Variants in VEZF1 observed in about 807,000 individuals in gnomAD.
The protein encoded by VEZF1 is vascular endothelial zinc finger 1.
VEZF1 carries 5 observed loss-of-function variants against 44.1 expected under a neutral mutation model. The observed-to-expected ratio is 0.11, with a 90% confidence interval of 0.06 to 0.24. The LOEUF (loss-of-function observed/expected upper bound fraction) is 0.24, where lower values mean the gene tolerates loss of function less well. Ranked by LOEUF, VEZF1 falls within the 10% of genes least tolerant of loss-of-function variation. The pLI is 1.00. For missense variants in VEZF1, 358 were observed against 641.8 expected (o/e 0.56, Z 4.78); for synonymous variants, 236 against 233.1 (o/e 1.01, Z -0.11).
At chr17:57,983,506 C>T (rs1038527659) in intron 1 of VEZF1, 113 bp from the exon 2 acceptor site, 20 of 912,142 alleles carry the variant, frequency 2.2e-5, no homozygotes, top group Non-Finnish European at 9.8e-6. Flanking sequence ...CTATAAGCTA[C>T]TCTGCAGTGG....
chr17:57,986,995 C>T (rs552265555), intron 1 of VEZF1, among the ~76,000 whole-genome samples: 1 of 152,240 alleles, frequency 6.6e-6, no homozygotes, highest in South Asian at 2.1e-4. Flanking sequence ...CAAACAGAAA[C>T]GAAGTAGGAA....
chr17:57,979,152 C>T lies in VEZF1; in HGVS notation c.1138G>A (p.Glu380Lys), dbSNP rs2075220478. 6.2e-7 allele frequency: 1 copy of T among 1,611,680 alleles called. No homozygotes were observed. Among genetic ancestry groups the T allele is most frequent in the Non-Finnish European group, 8.5e-7 (1 of 1,179,388 alleles). The change falls in exon 5 of 6, where the codon GAA becomes AAA. Residue 380 changes from glutamate (E) to lysine (K), a missense_variant and splice_region_variant. By Grantham distance (56) the Glu-to-Lys change is moderately conservative. Coordinates refer to ENST00000581208, the MANE Select transcript of VEZF1 (RefSeq NM_007146.3). ...WEEAVKARKK[E>K]AANLCQTSTA... ...TTCAACACTGGAAGCTGTGCCTTAC[C>T]TTTCTTCCTTGCTTTAACAGCTTCT... is the stretch of plus-strand genomic sequence containing the variant.
rs1415970291 is a variant in VEZF1, at chr17:57,972,347, C to T, written c.*2126G>A. 1.3e-5 allele frequency: 2 copies of T among 152,174 alleles called. No homozygotes were observed. Among genetic ancestry groups the T allele is most frequent in the Non-Finnish European group, 2.9e-5 (2 of 68,026 alleles). The allele number at this position is 152,174 out of a possible 1,614,324, so 9.4% of individuals were successfully genotyped here. A position where few individuals can be genotyped will look rare whatever the true frequency, so the allele number is the denominator to read the frequency against. ...TGCCAGCCCACCAGAGATAACAGAT[C>T]CCAGCAGGCAGAGCCAGAACCCAGT... On this transcript the variant is annotated 3_prime_UTR_variant, in exon 6 of 6. Transcript: ENST00000581208.
chr17:57,987,753 G>A (rs2075312211), intron 1 of VEZF1, among the ~76,000 whole-genome samples: 1 of 151,894 alleles, frequency 6.6e-6, no homozygotes, highest in Non-Finnish European at 1.5e-5. Flanking sequence ...TCTGGGCCGC[G>A]GGGTGGTGAC....
chr17:57,985,750 G>A (rs2075288238), intron 1 of VEZF1, among the ~76,000 whole-genome samples: 1 of 152,136 alleles, frequency 6.6e-6, no homozygotes, highest in Non-Finnish European at 1.5e-5. Context: ...ATTTTGTACT[G>A]AACAAATTAA....
At position 57,971,805 on chromosome 17, in the gene VEZF1, G is replaced by A. The variant is rs1176024793; in HGVS notation, c.*2668C>T. The A allele has an allele frequency of 6.6e-6, 1 of 152,612 alleles. No homozygotes were observed. Among genetic ancestry groups the A allele is most frequent in the African/African-American group, 2.4e-5 (1 of 41,434 alleles). 9.5% of individuals were successfully genotyped at this position (152,612 alleles called of 1,614,324 possible). A position where few individuals can be genotyped will look rare whatever the true frequency, so the allele number is the denominator to read the frequency against. On this transcript the variant is annotated 3_prime_UTR_variant, in exon 6 of 6. Transcript: ENST00000581208. ...ACTGTTTAGCTGCCAATCTGATAAA[G>A]GGGAAGCTCTCAACCAGGTTACAAC... is the stretch of plus-strand genomic sequence containing the variant.
At chr17:57,987,128 C>T (rs2075302026) in intron 1 of VEZF1, among the ~76,000 whole-genome samples, 1 of 152,194 alleles carries the variant, frequency 6.6e-6, no homozygotes, top group Non-Finnish European at 1.5e-5. Context: ...AAGCGAAGAC[C>T]AACATCCCAG....
intron 1 of VEZF1, among the ~76,000 whole-genome samples, chr17:57,987,805 G>A (rs2075313085): frequency 6.6e-6 from 1 of 151,988 alleles, no homozygotes; most frequent in Non-Finnish European, 1.5e-5. Context: ...CGAGAGGGAA[G>A]GGTGTGTGTG....
rs974574397 is a variant in VEZF1, at chr17:57,979,386, C to G, written c.977-73G>C. The G allele has an allele frequency of 2.5e-6, 4 of 1,586,106 alleles. No individual in the cohort carries two copies. The African/African-American group carries it at 5.4e-5, about 21-fold the overall frequency. ...TGCCGTTTTTTTTCAAAATTGACTT[C>G]TCATGCTTCTGTGATCTTAACCATT... On this transcript the variant is annotated intron_variant, in intron 4 of 5. Transcript: ENST00000581208.
In VEZF1 at chr17:57,988,062, G is replaced by C. The variant is rs2075318387; in HGVS notation, c.33+17C>G. ...CCCCCTGTCCCCCCCGTGCCCCCCCGGGGGGGCCCCCAGTACCTGGAACAG... is the reference window on the plus strand; with the variant it reads ...CCCCCTGTCCCCCCCGTGCCCCCCCCGGGGGGCCCCCAGTACCTGGAACAG... On this transcript the variant is annotated intron_variant, in intron 1 of 5. Coordinates refer to ENST00000581208, the MANE Select transcript of VEZF1 (RefSeq NM_007146.3). 7.2e-5 allele frequency: 23 copies of C among 319,162 alleles called. No homozygotes were observed. Among genetic ancestry groups the C allele is most frequent in the Middle Eastern group, 1.6e-3 (1 of 630 alleles). The allele number at this position is 319,162 out of a possible 1,614,324, so 19.8% of individuals were successfully genotyped here.
chr17:57,985,350 T>C, intron 1 of VEZF1: 1 of 1,230,912 alleles, frequency 8.1e-7, no homozygotes, highest in East Asian at 3.2e-5. Flanking sequence ...AGGTCCCTGC[T>C]TCTTGGGTGA....
At chr17:57,985,827 G>A (rs1171011636) in intron 1 of VEZF1, among the ~76,000 whole-genome samples, 1 of 152,132 alleles carries the variant, frequency 6.6e-6, no homozygotes, top group African/African-American at 2.4e-5. Context: ...AATAGCTATA[G>A]CTTTCACTTT....
At position 57,983,170 on chromosome 17, in the gene VEZF1, C is replaced by T. The variant is rs2075266543; in HGVS notation, c.257G>A (p.Ser86Asn). 1 of 1,613,982 alleles carries T rather than the reference C, an allele frequency of 6.2e-7. No homozygotes were observed. The highest frequency in any genetic ancestry group is 1.3e-5 in the African/African-American group (1 of 74,918). Residue 86 changes from serine to asparagine, a missense_variant, in exon 2 of 6, where the codon AGC (serine) becomes AAC (asparagine). Around this residue, in one of 4 missense-constraint regions of VEZF1, gnomAD observed 117 missense variants for 207.2 expected, o/e 0.56. Coordinates refer to ENST00000581208, the MANE Select transcript of VEZF1 (RefSeq NM_007146.3). ...CTYCSKAFRD[S>N]YHLRRHESCH... ...GGATTCGTGGCGCCTCAGGTGATAG[C>T]TGTCCCTGAAAGCTTTACTGCAGTA...
At chr17:57,979,607 T>C (rs35999514) in intron 4 of VEZF1, among the ~76,000 whole-genome samples, 9,481 of 150,724 alleles carry the variant, frequency 0.063, 313 homozygotes, top group African/African-American at 0.082. Context: ...ATTATTAATA[T>C]AGGACTAATC....
rs144309266 is a variant in VEZF1, at chr17:57,980,850, G to A, written c.793-64C>T. The A allele has an allele frequency of 3.7e-4, 573 of 1,532,010 alleles. 3 individuals carry two copies. The highest frequency in any genetic ancestry group is 1.2e-3 in the Middle Eastern group (7 of 5,782). 94.9% of individuals were successfully genotyped at this position (1,532,010 alleles called of 1,614,324 possible). On this transcript the variant is annotated intron_variant, in intron 3 of 5. Coordinates refer to ENST00000581208, the MANE Select transcript of VEZF1 (RefSeq NM_007146.3). ...TCCTGTTCTACTCATTTTGAAGTAC[G>A]TTATATTCTGTGCATTACCCTATCC... is the stretch of plus-strand genomic sequence containing the variant.
At chr17:57,986,561 A>T (rs2075295628) in intron 1 of VEZF1, among the ~76,000 whole-genome samples, 1 of 152,238 alleles carries the variant, frequency 6.6e-6, no homozygotes, top group African/African-American at 2.4e-5. Flanking sequence ...ACTGATCAGA[A>T]TGAGAAAAGG....
chr17:57,988,060 C>CA lies in VEZF1; in HGVS notation c.33+18_33+19insT. 1 of 409,924 alleles carries CA rather than the reference C, an allele frequency of 2.4e-6. No homozygotes were observed. Among genetic ancestry groups the CA allele is most frequent in the Non-Finnish European group, 3.6e-6 (1 of 275,806 alleles). The allele number at this position is 409,924 out of a possible 1,614,324, so 25.4% of individuals were successfully genotyped here. A position where few individuals can be genotyped will look rare whatever the true frequency, so the allele number is the denominator to read the frequency against. ...GCCCCCCTGTCCCCCCCGTGCCCCC[C>CA]CGGGGGGGCCCCCAGTACCTGGAAC... On this transcript the variant is annotated intron_variant, in intron 1 of 5. Transcript: ENST00000581208.
intron 1 of VEZF1, among the ~76,000 whole-genome samples, chr17:57,986,540 A>G (rs1363759619): frequency 6.6e-6 from 1 of 152,186 alleles, no homozygotes; most frequent in East Asian, 1.9e-4. Context: ...ATCAAAGTAC[A>G]ATAAAACAAC....
At chr17:57,977,300 T>C (rs1402465886) in intron 5 of VEZF1, among the ~76,000 whole-genome samples, 1 of 152,066 alleles carries the variant, frequency 6.6e-6, no homozygotes, top group Non-Finnish European at 1.5e-5. Context: ...GTTGTTGTTG[T>C]TGTTTTTGTA....
Sources: allele counts gnomAD v4.1 joint callset (sites outside exome capture counted in the v4.1 genomes callset), GRCh38; gene constraint gnomAD v4.1.1; regional missense constraint gnomAD v4.1.1; transcripts MANE v1.5; gene names NCBI Gene and HGNC (gene_info 2026-07-23, HGNC 2026-07-21).